The following ST8SIA4 variants were observed in gnomAD, a reference collection of about 807,000 sequenced individuals.
ST8SIA4 encodes CMP-N-acetylneuraminate-poly-alpha-2,8-sialyltransferase.
A neutral mutation model predicts 33.9 loss-of-function variants in ST8SIA4; 15 were observed. The observed-to-expected ratio is 0.44, with a 90% CI of 0.30 to 0.68. The LOEUF (loss-of-function observed/expected upper bound fraction) is 0.68. Among genes scored for constraint, ST8SIA4 ranks in the 30% least tolerant of loss-of-function variants. The pLI is 0.10. For missense variants in ST8SIA4, 321 were observed against 428.0 expected (o/e 0.75, Z 2.21); for synonymous variants, 171 against 151.2 (o/e 1.13, Z -0.96).
At chr5:100,898,507 C>T (rs1752828446) in intron 1 of ST8SIA4, among the ~76,000 whole-genome samples, 1 of 152,130 alleles carries the variant, frequency 6.6e-6, no homozygotes. Flanking sequence ...TTTCATTGAG[C>T]TGGTGATAAG....
chr5:100,893,694 T>C (rs1752720568), intron 2 of ST8SIA4, among the ~76,000 whole-genome samples: 1 of 152,186 alleles, frequency 6.6e-6, no homozygotes, highest in Non-Finnish European at 1.5e-5. Context: ...ATACTTGAAC[T>C]AGTGTCAATT....
At chr5:100,817,109 A>ATTTTTTTT (rs57222657) in intron 4 of ST8SIA4, among the ~76,000 whole-genome samples, 32 of 74,364 alleles carry the variant, frequency 4.3e-4, no homozygotes, top group Admixed American at 1.2e-3. Flanking sequence ...CACCCAGCTA[A>ATTTTTTTT]TTTTTTTTTT....
intron 2 of ST8SIA4, 125 bp downstream of exon 2, chr5:100,895,529 G>T: frequency 1.1e-6 from 1 of 896,762 alleles, no homozygotes; most frequent in East Asian, 2.5e-5. Flanking sequence ...AAATAGAGCT[G>T]GTTCATTCTT....
intron 4 of ST8SIA4, among the ~76,000 whole-genome samples, chr5:100,847,673 T>C (rs1420436769): frequency 1.3e-5 from 2 of 152,120 alleles, no homozygotes; most frequent in African/African-American, 4.8e-5. Context: ...GCAACTAATG[T>C]GTGCTTTCAT....
intron 4 of ST8SIA4, among the ~76,000 whole-genome samples, chr5:100,844,135 G>A (rs1348432607): frequency 6.6e-6 from 1 of 151,872 alleles, no homozygotes; most frequent in African/African-American, 2.4e-5. Context: ...CCTTCCTTAA[G>A]AACTGAGCAA....
intron 3 of ST8SIA4, among the ~76,000 whole-genome samples, chr5:100,880,430 C>T (rs1201653622): frequency 6.6e-6 from 1 of 152,104 alleles, no homozygotes. Context: ...CTCATCCTTT[C>T]CCCCAAATAA....
chr5:100,853,973 T>TTGTGTGTGTGTG (rs370881650), intron 4 of ST8SIA4, among the ~76,000 whole-genome samples: 3 of 16,998 alleles, frequency 1.8e-4, no homozygotes, highest in Non-Finnish European at 6.2e-4. Context: ...TGGAATGTGT[T>TTGTGTGTGTGTG]TGTGTGTGTG....
chr5:100,852,685 T>G (rs1024769627), intron 4 of ST8SIA4, among the ~76,000 whole-genome samples: 7 of 152,344 alleles, frequency 4.6e-5, no homozygotes, highest in African/African-American at 1.7e-4. Context: ...GAATATGGTT[T>G]CAAAAGAATG....
At chr5:100,841,029 G>T (rs905269049) in intron 4 of ST8SIA4, among the ~76,000 whole-genome samples, 27 of 151,698 alleles carry the variant, frequency 1.8e-4, no homozygotes, top group Non-Finnish European at 1.5e-4. Context: ...AAATGAGAAA[G>T]CCAAAATAAG....
At position 100,812,003 on chromosome 5, in the gene ST8SIA4, A is replaced by T; in HGVS notation, c.924T>A (p.Asn308Lys). 1 of 1,614,154 alleles carries T rather than the reference A, an allele frequency of 6.2e-7. No individual in the cohort carries two copies. Among genetic ancestry groups the T allele is most frequent in the Non-Finnish European group, 8.5e-7 (1 of 1,180,014 alleles). ...AATAATGATATTTGACCGCTTTTCCATTTAAATCCTTAGGGAAGGGCCAGA... is the reference window on the plus strand; with the variant it reads ...AATAATGATATTTGACCGCTTTTCCTTTTAAATCCTTAGGGAAGGGCCAGA... ...YGFWPFPKDL[N>K]GKAVKYHYYD... Residue 308 changes from asparagine (N) to lysine (K), a missense_variant, in exon 5 of 5, where the codon AAT becomes AAA. Asn to Lys is a moderately conservative substitution (Grantham distance 94, BLOSUM62 0). Coordinates refer to ENST00000231461, the MANE Select transcript of ST8SIA4 (RefSeq NM_005668.6).
At position 100,834,407 on chromosome 5, in the gene ST8SIA4, G is replaced by A. The variant is rs150261965; in HGVS notation, c.797+21696C>T. ...ATGAAAATGCCTATAATTTGGTATC[G>A]AATGGGGACATTAAAATGTAATTGC... On this transcript the variant is annotated intron_variant, in intron 4 of 4. Transcript: ENST00000231461. 3.5e-3 allele frequency among the ~76,000 whole-genome samples: 527 copies of A among 152,164 alleles called. 3 individuals carry two copies. Among genetic ancestry groups the A allele is most frequent in the African/African-American group, 0.011 (469 of 41,532 alleles).
intron 4 of ST8SIA4, among the ~76,000 whole-genome samples, chr5:100,849,752 A>G (rs1329204931): frequency 1.3e-5 from 2 of 152,092 alleles, no homozygotes; most frequent in Non-Finnish European, 2.9e-5. Flanking sequence ...CCGATATTGC[A>G]CCACCGCACT....
chr5:100,851,498 T>C (rs10044903), intron 4 of ST8SIA4, among the ~76,000 whole-genome samples: 42,628 of 151,860 alleles, frequency 0.28, 6,219 homozygotes, highest in Non-Finnish European at 0.32. Flanking sequence ...GAATATACTT[T>C]CCTATTAAAA....
chr5:100,857,526 A>C (rs1751844011), intron 3 of ST8SIA4, among the ~76,000 whole-genome samples: 1 of 151,988 alleles, frequency 6.6e-6, no homozygotes, highest in Non-Finnish European at 1.5e-5. Flanking sequence ...CTTCATGAAA[A>C]TATGAAACTA....
At position 100,808,446 on chromosome 5, in the gene ST8SIA4, C is replaced by T. The variant is rs760762489; in HGVS notation, c.*3401G>A. 6.6e-6 allele frequency: 1 copy of T among 152,618 alleles called. No individual in the cohort carries two copies. Among genetic ancestry groups the T allele is most frequent in the Non-Finnish European group, 1.5e-5 (1 of 68,040 alleles). The allele number at this position is 152,618 out of a possible 1,614,324, so 9.5% of individuals were successfully genotyped here. A position where few individuals can be genotyped will look rare whatever the true frequency, so the allele number is the denominator to read the frequency against. On this transcript the variant is annotated 3_prime_UTR_variant, in exon 5 of 5. Coordinates refer to ENST00000231461, the MANE Select transcript of ST8SIA4 (RefSeq NM_005668.6). ...ACTTGCTCACTTTTTATTTCAGCAA[C>T]TTAACATTAACTACAGCACAGGCTG...
chr5:100,829,238 C>G (rs909125843), intron 4 of ST8SIA4, among the ~76,000 whole-genome samples: 1 of 152,162 alleles, frequency 6.6e-6, no homozygotes, highest in South Asian at 2.1e-4. Flanking sequence ...CAGTCTTCCC[C>G]AGCACTGTCT....
At chr5:100,878,065 T>G (rs1198418477) in intron 3 of ST8SIA4, among the ~76,000 whole-genome samples, 6 of 152,170 alleles carry the variant, frequency 3.9e-5, no homozygotes, top group Admixed American at 2.6e-4. Context: ...TAGCACCTCA[T>G]TTTTCGGCTT....
chr5:100,891,668 A>G (rs1752669057), intron 2 of ST8SIA4, among the ~76,000 whole-genome samples: 3 of 152,140 alleles, frequency 2.0e-5, no homozygotes, highest in South Asian at 4.1e-4. Flanking sequence ...TGTTGAATGA[A>G]AAATGACTTT....
chr5:100,818,871 T>G (rs538319481), intron 4 of ST8SIA4, among the ~76,000 whole-genome samples: 1 of 152,302 alleles, frequency 6.6e-6, no homozygotes, highest in African/African-American at 2.4e-5. Flanking sequence ...TTATCTGACG[T>G]CTATCAGAGA....
Sources: allele counts gnomAD v4.1 joint callset (sites outside exome capture counted in the v4.1 genomes callset), GRCh38; gene constraint gnomAD v4.1.1; transcripts MANE v1.5; gene names NCBI Gene and HGNC (gene_info 2026-07-23, HGNC 2026-07-21).